Variants in FAT4 observed in about 807,000 individuals in gnomAD.
FAT4 encodes FAT atypical cadherin 4.
FAT4 carries 84 observed loss-of-function variants against 303.9 expected under a neutral mutation model. The ratio of observed to expected loss-of-function variants is 0.28; its 90% confidence interval spans 0.23 to 0.33. FAT4 has a LOEUF of 0.33. FAT4 is among the 10% of genes least tolerant of loss of function. The probability of loss-of-function intolerance (pLI) is 1.00; values close to 1 mark genes in which losing one functional copy is unlikely to be tolerated. For missense variants in FAT4, 6,005 were observed against 6,146.8 expected (o/e 0.98, Z 0.77); for synonymous variants, 2,307 against 2,298.8 (o/e 1.00, Z -0.10).
intron 16 of FAT4, 109 bp from the exon 17 acceptor site, chr4:125,487,236 C>T: frequency 1.1e-6 from 1 of 883,332 alleles, no homozygotes; most frequent in Admixed American, 2.9e-5. Context: ...GATTCTTCAG[C>T]TATTCTATCT....
chr4:125,450,265 C>T lies in FAT4; in HGVS notation c.9255C>T (p.Asn3085=), dbSNP rs1003467964. ...ATVHITVTEE[N]YHTPEFSQSH... ...TTCACATAACTGTCACTGAGGAAAA[C>T]TACCATACACCTGAATTCTCTCAAA... is the stretch of plus-strand genomic sequence containing the variant. Residue 3085 remains asparagine, a synonymous_variant, in exon 10 of 18, where the codon AAC becomes AAT. Coordinates refer to ENST00000394329, the MANE Select transcript of FAT4 (RefSeq NM_001291303.3). The T allele has an allele frequency of 1.1e-5, 17 of 1,614,098 alleles. No individual in the cohort carries two copies. The highest frequency in any genetic ancestry group is 1.4e-5 in the Non-Finnish European group (16 of 1,180,002).
intron 7 of FAT4, among the ~76,000 whole-genome samples, chr4:125,423,690 C>A (rs1724987633): frequency 6.6e-6 from 1 of 152,204 alleles, no homozygotes; most frequent in South Asian, 2.1e-4. Flanking sequence ...CAGCTATGCA[C>A]CTGGCAAAGC....
Position 125,321,182 on chromosome 4 carries a change from G to T in FAT4, c.4771G>T (p.Val1591Leu). The change falls in exon 2 of 18, where the codon GTG becomes TTG. Residue 1591 changes from valine to leucine, a missense_variant. By Grantham distance (32) the Val-to-Leu change is conservative. Coordinates refer to ENST00000394329, the MANE Select transcript of FAT4 (RefSeq NM_001291303.3). ...SGDLRVASAL[V>L]PSQLIYNLIV... ...AGACCTGAGAGTGGCTTCAGCGTTG[G>T]TGCCTTCACAGTTGATCTACAATCT... 6.2e-7 allele frequency: 1 copy of T among 1,614,150 alleles called. No homozygotes were observed.
rs370757220 is a variant in FAT4 at position 125,468,502 on chromosome 4, C to T, written c.11906-10C>T. The T allele has an allele frequency of 2.8e-4, 394 of 1,404,126 alleles. 1 individual carries two copies. Among genetic ancestry groups the T allele is most frequent in the Non-Finnish European group, 3.4e-4 (366 of 1,068,676 alleles). The allele number at this position is 1,404,126 out of a possible 1,614,324, so 87.0% of individuals were successfully genotyped here. Reference sequence around the variant, plus strand: ...ATTTTATGCCAGTTTGTCAATTTTCCCTCCAACAGGTGTCTTTGGAAAACA... The same window carrying T: ...ATTTTATGCCAGTTTGTCAATTTTCTCTCCAACAGGTGTCTTTGGAAAACA... On this transcript the variant is annotated splice_polypyrimidine_tract_variant and intron_variant, in intron 11 of 17. Coordinates refer to ENST00000394329, the MANE Select transcript of FAT4 (RefSeq NM_001291303.3).
chr4:125,330,193 T>C (rs1472114642), intron 2 of FAT4, among the ~76,000 whole-genome samples: 1 of 151,362 alleles, frequency 6.6e-6, no homozygotes, highest in Non-Finnish European at 1.5e-5. Flanking sequence ...GACATCAGCC[T>C]GGACAACAAC....
intron 3 of FAT4, among the ~76,000 whole-genome samples, chr4:125,400,867 T>C (rs1734363520): frequency 6.6e-6 from 1 of 151,988 alleles, no homozygotes; most frequent in African/African-American, 2.4e-5. Flanking sequence ...AGTATAAGGC[T>C]ATAATGTTGG....
rs1159686589 is a variant in FAT4, at chr4:125,468,777, A to G, written c.12171A>G (p.Ser4057=). The change falls in exon 12 of 18, where the codon TCA becomes TCG. Residue 4057 remains serine (S), a synonymous_variant. Transcript: ENST00000394329. ...AGCTCACCACCATGAAGAAGGTGTCAGATGGACATTTTCACACTGTGATTG... is the reference window on the plus strand; with the variant it reads ...AGCTCACCACCATGAAGAAGGTGTCGGATGGACATTTTCACACTGTGATTG... ...TYKLTTMKKV[S]DGHFHTVIAR... 1.2e-6 allele frequency: 2 copies of G among 1,613,640 alleles called. No homozygotes were observed. The highest frequency in any genetic ancestry group is 8.5e-7 in the Non-Finnish European group (1 of 1,179,678).
chr4:125,331,417 T>C (rs994871956), intron 2 of FAT4, among the ~76,000 whole-genome samples: 2 of 152,148 alleles, frequency 1.3e-5, no homozygotes, highest in Admixed American at 6.5e-5. Flanking sequence ...TCTTCTGAAA[T>C]TAGGGAAGTT....
At chr4:125,440,427 C>T (rs1312690129) in intron 8 of FAT4, among the ~76,000 whole-genome samples, 2 of 151,940 alleles carry the variant, frequency 1.3e-5, no homozygotes, top group Non-Finnish European at 2.9e-5. Flanking sequence ...GCCAGGCCAT[C>T]TTTTCTTTTT....
At chr4:125,432,561 T>C (rs1415583966) in intron 7 of FAT4, among the ~76,000 whole-genome samples, 1 of 152,184 alleles carries the variant, frequency 6.6e-6, no homozygotes, top group Non-Finnish European at 1.5e-5. Flanking sequence ...TGTGAAATAT[T>C]TGTTGCATAA....
rs1466033768 is a variant in FAT4 at position 125,320,426 on chromosome 4, G to T, written c.4015G>T (p.Ala1339Ser). 2 of 1,613,750 alleles carry T rather than the reference G, an allele frequency of 1.2e-6. No individual in the cohort carries two copies. The highest frequency in any genetic ancestry group is 2.7e-5 in the African/African-American group (2 of 74,900). Residue 1339 changes from alanine (A) to serine (S), a missense_variant, in exon 2 of 18, where the codon GCA becomes TCA. By Grantham distance (99) the Ala-to-Ser change is moderately conservative. Coordinates refer to ENST00000394329, the MANE Select transcript of FAT4 (RefSeq NM_001291303.3). ...TGGTGAACTCGTGTCCTCTGTTACT[G>T]CAACTGATTCCGATTCAGGTGACAA... Reference protein sequence around the residue: ...RIGELVSSVTATDSDSGDNAD... With the variant: ...RIGELVSSVTSTDSDSGDNAD...
In FAT4 at chr4:125,321,146, C is replaced by G. The variant is rs372570229; in HGVS notation, c.4735C>G (p.Arg1579Gly). 2.0e-5 allele frequency: 32 copies of G among 1,613,964 alleles called. 3 individuals are homozygous for G. The highest frequency in any genetic ancestry group is 3.3e-4 in the Middle Eastern group (2 of 6,084). Residue 1579 changes from arginine to glycine, a missense_variant, in exon 2 of 18, where the codon CGT becomes GGT. Physicochemically the swap from Arg to Gly is moderately radical, Grantham distance 125. Transcript: ENST00000394329. ...NGDTDTFIVDRYSGDLRVASA... is the reference protein window; with the variant it reads ...NGDTDTFIVDGYSGDLRVASA... ...GGACACAGACACCTTCATTGTTGAT[C>G]GTTATAGTGGAGACCTGAGAGTGGC...
chr4:125,450,159 T>C lies in FAT4; in HGVS notation c.9149T>C (p.Ile3050Thr). The C allele has an allele frequency of 6.2e-7, 1 of 1,613,782 alleles. No homozygotes were observed. Among genetic ancestry groups the C allele is most frequent in the Non-Finnish European group, 8.5e-7 (1 of 1,179,962 alleles). ...TGWISVASSL[I>T]SDLNQNFFIT... is the part of the protein sequence containing the mutation. ...TGGATTTCAGTAGCATCCTCCCTGA[T>C]TTCTGACTTGAACCAAAACTTTTTT... The change falls in exon 10 of 18, where the codon ATT (isoleucine) becomes ACT (threonine). Residue 3050 changes from isoleucine to threonine, a missense_variant. Transcript: ENST00000394329.
At chr4:125,464,604 G>A (rs1726596158) in intron 11 of FAT4, among the ~76,000 whole-genome samples, 1 of 151,590 alleles carries the variant, frequency 6.6e-6, no homozygotes. Context: ...GTGCCATGTT[G>A]GTTTGCTGCA....
At chr4:125,329,713 G>C (rs187318035) in intron 2 of FAT4, among the ~76,000 whole-genome samples, 1 of 152,156 alleles carries the variant, frequency 6.6e-6, no homozygotes, top group African/African-American at 2.4e-5. Flanking sequence ...CTTCCTAACT[G>C]ATATTTTAAA....
At chr4:125,400,354 T>A (rs1379929928) in intron 3 of FAT4, among the ~76,000 whole-genome samples, 1 of 152,030 alleles carries the variant, frequency 6.6e-6, no homozygotes, top group Non-Finnish European at 1.5e-5. Context: ...ATCATCATAC[T>A]GCTCTCTTAA....
rs971789643 is a variant in FAT4, at chr4:125,434,272, C to A, written c.7046C>A (p.Thr2349Lys). ...SGSPALTGTG[T>K]INVIVDDVND... ...TCCCCTGCCTTGACTGGAACTGGAA[C>A]AATCAACGTCATAGTAGATGATGTC... Residue 2349 changes from threonine to lysine, a missense_variant, in exon 8 of 18, where the codon ACA (threonine) becomes AAA (lysine). Physicochemically the swap from Thr to Lys is moderately conservative, Grantham distance 78 (BLOSUM62 -1). Coordinates refer to ENST00000394329, the MANE Select transcript of FAT4 (RefSeq NM_001291303.3). 12 of 1,613,574 alleles carry A rather than the reference C, an allele frequency of 7.4e-6. No individual in the cohort carries two copies. The highest frequency in any genetic ancestry group is 2.7e-5 in the African/African-American group (2 of 74,920).
At chr4:125,412,677 A>G (rs531943654) in intron 5 of FAT4, among the ~76,000 whole-genome samples, 11 of 151,998 alleles carry the variant, frequency 7.2e-5, no homozygotes, top group South Asian at 4.1e-4. Flanking sequence ...AGTAGCATAC[A>G]TGATGGACTA....
intron 2 of FAT4, among the ~76,000 whole-genome samples, chr4:125,384,616 C>T (rs1011306924): frequency 6.6e-6 from 1 of 152,026 alleles, no homozygotes; most frequent in African/African-American, 2.4e-5. Context: ...TTTTCTTTCA[C>T]TTAATAATGT....
Sources: gnomAD v4.1 joint callset for allele counts (sites outside exome capture counted in the v4.1 genomes callset) on GRCh38, gnomAD v4.1.1 for gene constraint, MANE v1.5 for transcripts, NCBI Gene and HGNC (gene_info 2026-07-23, HGNC 2026-07-21) for gene names.